SLC2A7: variants seen among roughly 807,000 people sequenced by gnomAD.
The protein encoded by SLC2A7 is solute carrier family 2 member 7.
Under a neutral mutation model 50.5 loss-of-function variants are expected in SLC2A7, and 50 were observed. That is an observed-to-expected ratio of 0.99 (90% CI 0.79 to 1.25). SLC2A7 has a LOEUF of 1.25. Ranked by LOEUF, SLC2A7 falls within the 50% of genes most tolerant of loss-of-function variation. The probability of loss-of-function intolerance (pLI) is 0.00; values close to 1 mark genes in which losing one functional copy is unlikely to be tolerated. For synonymous variants in SLC2A7, 308 were observed against 300.4 expected, an observed-to-expected ratio of 1.03 and a Z score of -0.26; for missense variants, 683 against 679.1, an observed-to-expected ratio of 1.01 and a Z score of -0.06.
chr1:9,009,687 G>A (rs976069220), intron 9 of SLC2A7, among the ~76,000 whole-genome samples: 4 of 152,084 alleles, frequency 2.6e-5, no homozygotes, highest in Non-Finnish European at 5.9e-5. Context: ...TGAGCTCCTG[G>A]GCTCAATGGG....
At chr1:9,007,179 T>C (rs558656405) in intron 10 of SLC2A7, 131 bp downstream of exon 10, 3 of 1,009,872 alleles carry the variant, frequency 3.0e-6, no homozygotes, top group Non-Finnish European at 4.6e-6. Context: ...ACTAAGAACG[T>C]GTGGGATCTG....
At chr1:9,019,816 C>T (rs1333913926) in intron 3 of SLC2A7, among the ~76,000 whole-genome samples, 20 of 151,954 alleles carry the variant, frequency 1.3e-4, no homozygotes, top group Admixed American at 1.2e-3. Flanking sequence ...CTCAGCTACT[C>T]GGGAGGCTGA....
In SLC2A7 at chr1:9,014,824, C is replaced by T; in HGVS notation, c.760G>A (p.Glu254Lys). The T allele has an allele frequency of 6.2e-7, 1 of 1,605,598 alleles. No homozygotes were observed. The highest frequency in any genetic ancestry group is 1.7e-5 in the Admixed American group (1 of 59,058). The change falls in exon 7 of 12, where the codon GAG becomes AAG. Residue 254 changes from glutamate to lysine, a missense_variant. Physicochemically the swap from Glu to Lys is moderately conservative, Grantham distance 56 (BLOSUM62 1). Coordinates refer to ENST00000400906, the MANE Select transcript of SLC2A7 (RefSeq NM_207420.3). ...GCCCGGGCCTCCGCACGCATGTCCT[C>T]CAGCTCGGCCTCCATGTCCGTGTGG... ...RGHTDMEAEL[E>K]DMRAEARAER...
Position 9,007,298 on chromosome 1 carries a change from GC to G in SLC2A7, c.1192+11del. The G allele has an allele frequency of 6.2e-7, 1 of 1,614,116 alleles. No homozygotes were observed. The highest frequency in any genetic ancestry group is 1.1e-5 in the South Asian group (1 of 91,080). ...AGGATGGCCGGGGCGAGGGAGGCGT[GC>G]AGGTACTCACTGGGCCCAATGGAAT... On this transcript the variant is annotated intron_variant, in intron 10 of 11. Coordinates refer to ENST00000400906, the MANE Select transcript of SLC2A7 (RefSeq NM_207420.3).
rs759102830 is a variant in SLC2A7 at position 9,024,957 on chromosome 1, G to C, written c.150+19C>G. ...GGTCAGCTGCTGCCCGGCCCACCTT[G>C]TGCCCACCTTGTGCCCACCTTGTGC... On this transcript the variant is annotated intron_variant, in intron 2 of 11. Coordinates refer to ENST00000400906, the MANE Select transcript of SLC2A7 (RefSeq NM_207420.3). The C allele has an allele frequency of 7.5e-6, 12 of 1,610,458 alleles. No individual in the cohort carries two copies. The highest frequency in any genetic ancestry group is 1.0e-5 in the Non-Finnish European group (12 of 1,177,928).
At chr1:9,019,063 C>T in intron 4 of SLC2A7, 146 bp downstream of exon 4, 1 of 1,036,912 alleles carries the variant, frequency 9.6e-7, no homozygotes, top group South Asian at 1.9e-5. Context: ...AAGCATGAGG[C>T]TTGCAAGGGC....
chr1:9,002,366 G>A (rs916802377), downstream of SLC2A7, among the ~76,000 whole-genome samples: 2 of 152,218 alleles, frequency 1.3e-5, no homozygotes, highest in African/African-American at 2.4e-5. Context: ...CCGAGCGTAC[G>A]TTCTGTTTAC....
chr1:9,002,730 T>C (rs1339661092), downstream of SLC2A7, among the ~76,000 whole-genome samples: 2 of 152,270 alleles, frequency 1.3e-5, no homozygotes, highest in Non-Finnish European at 2.9e-5. Flanking sequence ...ACTTTGTCTC[T>C]GTGTCTTATT....
At chr1:9,015,022 C>G in intron 6 of SLC2A7, 95 bp downstream of exon 6, 2 of 1,560,946 alleles carry the variant, frequency 1.3e-6, no homozygotes, top group Non-Finnish European at 1.7e-6. Context: ...AGCTCTCACC[C>G]CTGACCCATG....
chr1:9,007,106 C>T (rs147443740), intron 10 of SLC2A7, among the ~76,000 whole-genome samples: 21 of 152,284 alleles, frequency 1.4e-4, no homozygotes, highest in South Asian at 1.2e-3. Context: ...ATCAGTGGGG[C>T]GCTGGCCTGG....
chr1:9,000,730 G>A (rs17033008), downstream of SLC2A7, among the ~76,000 whole-genome samples: 12,155 of 151,186 alleles, frequency 0.08, 543 homozygotes, highest in East Asian at 0.15. Context: ...CTAGCAAACA[G>A]CATGTGACTT....
At chr1:9,015,266 A>T in intron 5 of SLC2A7, 24 bp from the exon 6 acceptor site, 8 of 1,560,048 alleles carry the variant, frequency 5.1e-6, no homozygotes, top group Non-Finnish European at 6.9e-6. Flanking sequence ...AGGACTCAGG[A>T]TCCCGGGGCC....
intron 5 of SLC2A7, among the ~76,000 whole-genome samples, chr1:9,015,700 G>C (rs947409962): frequency 6.6e-6 from 1 of 151,212 alleles, no homozygotes; most frequent in African/African-American, 2.4e-5. Flanking sequence ...ACCCCTGCTG[G>C]TATGGTGGGA....
intron 5 of SLC2A7, among the ~76,000 whole-genome samples, chr1:9,016,469 C>T (rs1640832784): frequency 6.6e-6 from 1 of 152,042 alleles, no homozygotes; most frequent in South Asian, 2.1e-4. Flanking sequence ...AAGAGCTGGG[C>T]ATGGTGGTGT....
At position 9,016,393 on chromosome 1, in the gene SLC2A7, C is replaced by T. The variant is rs1486862181; in HGVS notation, c.590-1151G>A. Among the ~76,000 whole-genome samples the T allele has an allele frequency of 2.0e-5, 3 of 152,204 alleles. No homozygotes were observed. In the East Asian group the frequency reaches 5.8e-4, roughly 29 times the overall value. ...GCGGAGGCAGGAGGATTACTTGAGC[C>T]CAGGAGTTACAGATCAGCCTGGACA... On this transcript the variant is annotated intron_variant, in intron 5 of 11. Transcript: ENST00000400906.
chr1:9,003,086 G>T lies in SLC2A7; in HGVS notation c.*214C>A, dbSNP rs1640598462. Among the ~76,000 whole-genome samples, 1 of 152,170 alleles carries T rather than the reference G, an allele frequency of 6.6e-6. No homozygotes were observed. The highest frequency in any genetic ancestry group is 2.4e-5 in the African/African-American group (1 of 41,428). ...TTAACCAATCAAAATTCACGTGCCGGCCCCTTCCTCCAGGTCATTCCTCAA... is the reference window on the plus strand; with the variant it reads ...TTAACCAATCAAAATTCACGTGCCGTCCCCTTCCTCCAGGTCATTCCTCAA... On this transcript the variant is annotated 3_prime_UTR_variant, in exon 12 of 12. Transcript: ENST00000400906.
intron 11 of SLC2A7, 135 bp from the exon 12 acceptor site, chr1:9,003,653 T>A (rs1170344136): frequency 1.5e-6 from 1 of 686,692 alleles, no homozygotes; most frequent in Non-Finnish European, 2.5e-6. Flanking sequence ...AGGTCAGGAG[T>A]TTGAGACCAA....
downstream of SLC2A7, among the ~76,000 whole-genome samples, chr1:9,000,791 T>C (rs1640563715): frequency 6.7e-6 from 1 of 148,552 alleles, no homozygotes; most frequent in Non-Finnish European, 1.5e-5. Flanking sequence ...TGTGACTCTG[T>C]CTCCCCCTGC....
intron 7 of SLC2A7, among the ~76,000 whole-genome samples, chr1:9,014,114 C>T (rs1006548069): frequency 6.6e-6 from 1 of 152,346 alleles, no homozygotes; most frequent in African/African-American, 2.4e-5. Context: ...TACCCTCCCA[C>T]GATCACTGGT....
Sources: gnomAD v4.1 joint callset for allele counts (sites outside exome capture counted in the v4.1 genomes callset) on GRCh38, gnomAD v4.1.1 for gene constraint, MANE v1.5 for transcripts, NCBI Gene and HGNC (gene_info 2026-07-23, HGNC 2026-07-21) for gene names.